Variants in CPNE8 observed in about 807,000 individuals in gnomAD.
CPNE8 encodes the protein copine 8.
In CPNE8, 45 loss-of-function variants were observed where a neutral mutation model predicts 81.5. The ratio of observed to expected loss-of-function variants is 0.55; its 90% CI spans 0.44 to 0.71. CPNE8 has a LOEUF of 0.71. Among genes scored for constraint, CPNE8 ranks in the 30% least tolerant of loss-of-function variants. The probability of loss-of-function intolerance (pLI) is 0.00; values close to 1 mark genes in which losing one functional copy is unlikely to be tolerated. For synonymous variants in CPNE8, 252 were observed against 226.3 expected (o/e 1.11, Z -1.02); for missense variants, 594 against 672.1 (o/e 0.88, Z 1.28).
At chr12:38,684,393 G>T (rs1250499883) in intron 16 of CPNE8, among the ~76,000 whole-genome samples, 1 of 151,942 alleles carries the variant, frequency 6.6e-6, no homozygotes, top group African/African-American at 2.4e-5. Flanking sequence ...TAACTTTTTT[G>T]GGGGGTTGTG....
intron 1 of CPNE8, among the ~76,000 whole-genome samples, chr12:38,903,707 C>T (rs929445476): frequency 1.3e-5 from 2 of 152,210 alleles, no homozygotes; most frequent in African/African-American, 4.8e-5. Flanking sequence ...GGACTTCCGG[C>T]TATCCATTAT....
chr12:38,889,726 G>A (rs145586198), intron 1 of CPNE8, among the ~76,000 whole-genome samples: 1 of 152,312 alleles, frequency 6.6e-6, no homozygotes, highest in East Asian at 1.9e-4. Context: ...GAAGAGTCAA[G>A]GAACTTGTGC....
intron 4 of CPNE8, among the ~76,000 whole-genome samples, chr12:38,845,418 AG>A (rs1443578809): frequency 6.6e-6 from 1 of 152,114 alleles, no homozygotes; most frequent in Non-Finnish European, 1.5e-5. Context: ...TATTTACTTA[AG>A]GCTGATACTG....
chr12:38,714,040 G>A (rs959790071), intron 13 of CPNE8, among the ~76,000 whole-genome samples: 23 of 152,072 alleles, frequency 1.5e-4, no homozygotes, highest in Non-Finnish European at 2.6e-4. Flanking sequence ...CCTTAGTTAC[G>A]GGGATGGGGA....
At chr12:38,763,636 T>C (rs1408226192) in intron 8 of CPNE8, among the ~76,000 whole-genome samples, 4 of 152,208 alleles carry the variant, frequency 2.6e-5, no homozygotes, top group Non-Finnish European at 5.9e-5. Context: ...AATTCCAGTG[T>C]CATTTCCACA....
intron 10 of CPNE8, among the ~76,000 whole-genome samples, chr12:38,749,533 C>T (rs1941307772): frequency 6.6e-6 from 1 of 152,144 alleles, no homozygotes; most frequent in Non-Finnish European, 1.5e-5. Flanking sequence ...TGTTGAATGG[C>T]TTTCACCAAA....
chr12:38,699,212 C>A (rs535298694), intron 14 of CPNE8, among the ~76,000 whole-genome samples: 1 of 152,240 alleles, frequency 6.6e-6, no homozygotes, highest in Non-Finnish European at 1.5e-5. Context: ...CACTTCTTTT[C>A]TCTTGTTTTC....
rs530398727 is a variant in CPNE8, at chr12:38,905,007, C to T, written c.98+430G>A. Among the ~76,000 whole-genome samples the T allele has an allele frequency of 4.7e-4, 72 of 152,266 alleles. No homozygotes were observed. The South Asian group carries it at 0.013, about 28-fold the overall frequency. ...CCGGGGTTGGAGCCAACCCTAGCAA[C>T]AGCAGGTTTGCACACGCCTAGCAGA... On this transcript the variant is annotated intron_variant, in intron 1 of 19. Coordinates refer to ENST00000331366, the MANE Select transcript of CPNE8 (RefSeq NM_153634.3).
rs778929237 is a variant in CPNE8 at position 38,767,732 on chromosome 12, C to T, written c.478G>A (p.Val160Ile). 21 of 1,541,308 alleles carry T rather than the reference C, an allele frequency of 1.4e-5. No homozygotes were observed. The highest frequency in any genetic ancestry group is 2.5e-5 in the East Asian group (1 of 40,324). Residue 160 changes from valine to isoleucine, a missense_variant, in exon 8 of 20, where the codon GTT becomes ATT. Val to Ile is a conservative substitution (Grantham distance 29). Transcript: ENST00000331366. ...TTGTTCGCACAAAATTGCATCAAAA[C>T]GGCATCCTAAAAACAAAATTAATAA... ...AEELNCCRDA[V>I]LMQFCANKLD...
intron 1 of CPNE8, among the ~76,000 whole-genome samples, chr12:38,890,256 T>C (rs1944295632): frequency 6.6e-6 from 1 of 152,150 alleles, no homozygotes; most frequent in East Asian, 1.9e-4. Context: ...GATGACAACA[T>C]TTTAGGCTAA....
chr12:38,861,511 C>A (rs548661020), intron 3 of CPNE8, among the ~76,000 whole-genome samples: 1 of 152,172 alleles, frequency 6.6e-6, no homozygotes, highest in South Asian at 2.1e-4. Context: ...TCTTGAATGA[C>A]TAATACCAAG....
chr12:38,902,365 A>AG (rs1944490474), intron 1 of CPNE8, among the ~76,000 whole-genome samples: 1 of 85,858 alleles, frequency 1.2e-5, no homozygotes, highest in Non-Finnish European at 2.2e-5. Flanking sequence ...AGAAAGAAAG[A>AG]AAGAAAGAAA....
At chr12:38,697,389 T>C (rs1179403821) in intron 14 of CPNE8, among the ~76,000 whole-genome samples, 1 of 152,232 alleles carries the variant, frequency 6.6e-6, no homozygotes, top group Non-Finnish European at 1.5e-5. Context: ...TTCCATTGTA[T>C]GGATTTTATC....
At chr12:38,717,427 G>GTATATATATATATA (rs1491219731) in intron 13 of CPNE8, among the ~76,000 whole-genome samples, 2,619 of 69,184 alleles carry the variant, frequency 0.038, 463 homozygotes, top group Non-Finnish European at 0.046. Flanking sequence ...AGAAAGTGTG[G>GTATATATATATATA]TGTATATATA....
At chr12:38,885,077 T>A (rs1238400447) in intron 1 of CPNE8, among the ~76,000 whole-genome samples, 2 of 152,130 alleles carry the variant, frequency 1.3e-5, no homozygotes, top group African/African-American at 2.4e-5. Flanking sequence ...AACATATTAT[T>A]TTAAAATTTT....
At chr12:38,757,547 A>G (rs1196999045) in intron 10 of CPNE8, among the ~76,000 whole-genome samples, 3 of 152,002 alleles carry the variant, frequency 2.0e-5, no homozygotes, top group Admixed American at 6.6e-5. Flanking sequence ...AATTTCATAC[A>G]TAAGACAAGT....
chr12:38,884,436 G>A (rs1944209903), intron 1 of CPNE8, among the ~76,000 whole-genome samples: 1 of 152,082 alleles, frequency 6.6e-6, no homozygotes, highest in South Asian at 2.1e-4. Context: ...TTGGTTCATC[G>A]ATTCATAGAT....
chr12:38,872,333 CACA>C (rs1349300595), intron 3 of CPNE8, among the ~76,000 whole-genome samples: 2 of 152,168 alleles, frequency 1.3e-5, no homozygotes, highest in Admixed American at 1.3e-4. Context: ...CACTCTGTGG[CACA>C]AATAGCACTA....
chr12:38,796,000 C>T lies in CPNE8; in HGVS notation c.408-19699G>A, dbSNP rs1274589298. Among the ~76,000 whole-genome samples, 3 of 152,090 alleles carry T rather than the reference C, an allele frequency of 2.0e-5. No homozygotes were observed. The East Asian group carries it at 5.8e-4, about 29-fold the overall frequency. ...ACTCAGGCCAGGAACGGTGGTCACG[C>T]CTGTAATCCCAGCACTTTGAGAGGC... On this transcript the variant is annotated intron_variant, in intron 6 of 19. Coordinates refer to ENST00000331366, the MANE Select transcript of CPNE8 (RefSeq NM_153634.3).
Sources: gnomAD v4.1 joint callset for allele counts (sites outside exome capture counted in the v4.1 genomes callset) on GRCh38, gnomAD v4.1.1 for gene constraint, MANE v1.5 for transcripts, NCBI Gene and HGNC (gene_info 2026-07-23, HGNC 2026-07-21) for gene names.